Variants in AP2B1 observed in about 807,000 individuals in gnomAD.
The protein encoded by AP2B1 is adaptor related protein complex 2 subunit beta 1.
AP2B1 carries 23 observed loss-of-function variants against 102.0 expected under a neutral mutation model. That is an observed-to-expected ratio of 0.23 (90% CI 0.16 to 0.32). The LOEUF is 0.32. Among genes scored for constraint, AP2B1 ranks in the 10% least tolerant of loss-of-function variants. The probability of loss-of-function intolerance (pLI) is 1.00; values close to 1 mark genes in which losing one functional copy is unlikely to be tolerated. For missense variants in AP2B1, 541 were observed against 1,157.4 expected (o/e 0.47, Z 7.73); for synonymous variants, 381 against 421.2 (o/e 0.90, Z 1.17).
chr17:35,632,088 AT>A (rs11432512), intron 9 of AP2B1, among the ~76,000 whole-genome samples: 75 of 145,718 alleles, frequency 5.1e-4, no homozygotes, highest in Admixed American at 5.5e-4. Flanking sequence ...AAAATTCACT[AT>A]TTTTTTTTTT....
intron 4 of AP2B1, 99 bp from the exon 5 acceptor site, chr17:35,608,043 T>G: frequency 7.0e-7 from 1 of 1,434,146 alleles, no homozygotes; most frequent in South Asian, 1.3e-5. Context: ...ATCTGGAAGC[T>G]TAAATTAATG....
At position 35,626,757 on chromosome 17, in the gene AP2B1, G is replaced by T. The variant is rs1300943228; in HGVS notation, c.853G>T (p.Ala285Ser). The change falls in exon 7 of 22, where the codon GCC (alanine) becomes TCC (serine). Residue 285 changes from alanine to serine, a missense_variant. Physicochemically the swap from Ala to Ser is moderately conservative, Grantham distance 99. Transcript: ENST00000610402. The part of the protein sequence containing the change: ...DYYNMLLKKL[A>S]PPLVTLLSGE... Reference sequence around the variant, plus strand: ...CTACAATATGCTGCTGAAGAAGTTAGCCCCTCCACTTGTCACTTTGCTGTC... The same window carrying T: ...CTACAATATGCTGCTGAAGAAGTTATCCCCTCCACTTGTCACTTTGCTGTC... 1.9e-6 allele frequency: 3 copies of T among 1,613,736 alleles called. No homozygotes were observed. Among genetic ancestry groups the T allele is most frequent in the Non-Finnish European group, 2.5e-6 (3 of 1,179,980 alleles).
At chr17:35,689,919 G>T (rs147516564) in intron 18 of AP2B1, among the ~76,000 whole-genome samples, 1 of 152,186 alleles carries the variant, frequency 6.6e-6, no homozygotes, top group Non-Finnish European at 1.5e-5. Context: ...TATTATGCAT[G>T]TAGTTGTTTT....
chr17:35,695,537 C>T (rs1359465896), intron 18 of AP2B1, among the ~76,000 whole-genome samples: 5 of 152,096 alleles, frequency 3.3e-5, no homozygotes, highest in African/African-American at 2.4e-5. Context: ...TTCAAGTAAC[C>T]CTCAGGTAAG....
chr17:35,692,932 A>G (rs1212294108), intron 18 of AP2B1, among the ~76,000 whole-genome samples: 1 of 151,072 alleles, frequency 6.6e-6, no homozygotes, highest in Non-Finnish European at 1.5e-5. Context: ...GCTACTCTAA[A>G]TGACCCATTC....
intron 9 of AP2B1, among the ~76,000 whole-genome samples, chr17:35,632,415 G>C (rs34528380): frequency 2.6e-5 from 4 of 152,154 alleles, no homozygotes; most frequent in Non-Finnish European, 4.4e-5. Flanking sequence ...GATTACAGGT[G>C]TAAGCCACTG....
intron 21 of AP2B1, among the ~76,000 whole-genome samples, chr17:35,719,859 C>T (rs1464862469): frequency 6.6e-6 from 1 of 152,100 alleles, no homozygotes; most frequent in Non-Finnish European, 1.5e-5. Context: ...TAAAGAAATA[C>T]AGTGAGCTCT....
intron 1 of AP2B1, chr17:35,588,625 C>T (rs772752599): frequency 2.6e-5 from 4 of 152,170 alleles, no homozygotes; most frequent in Non-Finnish European, 4.4e-5. Flanking sequence ...AATTGCTTAG[C>T]CTCAGGGTAC....
chr17:35,683,975 A>T (rs1280902682), intron 18 of AP2B1, among the ~76,000 whole-genome samples: 5 of 152,228 alleles, frequency 3.3e-5, no homozygotes, highest in African/African-American at 1.2e-4. Flanking sequence ...AATGCCATAG[A>T]TGAGTTATAT....
chr17:35,687,318 C>G (rs1176609073), intron 18 of AP2B1, among the ~76,000 whole-genome samples: 1 of 151,838 alleles, frequency 6.6e-6, no homozygotes, highest in African/African-American at 2.4e-5. Context: ...CGGGGTCTCT[C>G]CATGTTGCCT....
chr17:35,723,224 G>A (rs1261534082), intron 21 of AP2B1, among the ~76,000 whole-genome samples: 1 of 152,216 alleles, frequency 6.6e-6, no homozygotes, highest in Non-Finnish European at 1.5e-5. Context: ...CCATCCTCTT[G>A]TCAGACTGAG....
chr17:35,707,879 A>G (rs2076376199), intron 18 of AP2B1, among the ~76,000 whole-genome samples: 1 of 152,226 alleles, frequency 6.6e-6, no homozygotes, highest in Admixed American at 6.5e-5. Context: ...CATGTTATAT[A>G]TAGGTCACAA....
chr17:35,683,400 T>A lies in AP2B1; in HGVS notation c.2454+576T>A, dbSNP rs903497311. 3.9e-5 allele frequency among the ~76,000 whole-genome samples: 6 copies of A among 152,352 alleles called. No homozygotes were observed. In the South Asian group the frequency reaches 6.2e-4, roughly 16 times the overall value. On this transcript the variant is annotated intron_variant, in intron 18 of 21. Coordinates refer to ENST00000610402, the MANE Select transcript of AP2B1 (RefSeq NM_001030006.2). The stretch of plus-strand genomic sequence containing the variant: ...GTAAACCTTTTTTCCTTAAGACTTT[T>A]ATAGCAAAATTTGAATGTCATTAAT...
At position 35,598,196 on chromosome 17, in the gene AP2B1, T is replaced by C. The variant is rs768489305; in HGVS notation, c.38-34T>C. On this transcript the variant is annotated intron_variant, in intron 2 of 21. Coordinates refer to ENST00000610402, the MANE Select transcript of AP2B1 (RefSeq NM_001030006.2). ...GTATTCTGCTCTAAGTCTGTGGTAC[T>C]GGAACCTTACCAGTTTGCTCTCATC... 2 of 1,429,940 alleles carry C rather than the reference T, an allele frequency of 1.4e-6. 1 individual carries two copies. The highest frequency in any genetic ancestry group is 3.4e-5 in the Admixed American group (2 of 59,050). The allele number at this position is 1,429,940 out of a possible 1,614,324, so 88.6% of individuals were successfully genotyped here. A position where few individuals can be genotyped will look rare whatever the true frequency, so the allele number is the denominator to read the frequency against.
intron 5 of AP2B1, among the ~76,000 whole-genome samples, chr17:35,619,695 G>T (rs549421305): frequency 6.6e-6 from 1 of 152,100 alleles, no homozygotes; most frequent in South Asian, 2.1e-4. Context: ...GATGTGAGGG[G>T]TGGGGAATGT....
chr17:35,610,418 A>G (rs963019722), intron 5 of AP2B1, among the ~76,000 whole-genome samples: 1 of 149,272 alleles, frequency 6.7e-6, no homozygotes, highest in African/African-American at 2.4e-5. Context: ...AAGTGCTGGG[A>G]TTACAGGCAT....
At chr17:35,622,826 G>A (rs965192803) in intron 5 of AP2B1, among the ~76,000 whole-genome samples, 4 of 151,962 alleles carry the variant, frequency 2.6e-5, no homozygotes, top group Non-Finnish European at 4.4e-5. Flanking sequence ...CACCATGCCC[G>A]GCTAATTTTT....
At chr17:35,640,723 G>A (rs893934482) in intron 11 of AP2B1, among the ~76,000 whole-genome samples, 1 of 152,200 alleles carries the variant, frequency 6.6e-6, no homozygotes, top group African/African-American at 2.4e-5. Context: ...AAGGTTCAGG[G>A]TGATGCTGCT....
chr17:35,710,220 G>A lies in AP2B1; in HGVS notation c.2540-14G>A. 6.3e-7 allele frequency: 1 copy of A among 1,594,212 alleles called. No homozygotes were observed. Among genetic ancestry groups the A allele is most frequent in the Non-Finnish European group, 8.6e-7 (1 of 1,162,152 alleles). ...TTATGCACATCCATCCTTCCCCTCT[G>A]CTTTCCCATACAGAGCGCCAGGTCT... On this transcript the variant is annotated splice_polypyrimidine_tract_variant and intron_variant, in intron 19 of 21. Coordinates refer to ENST00000610402, the MANE Select transcript of AP2B1 (RefSeq NM_001030006.2).
Sources: gnomAD v4.1 joint callset for allele counts (sites outside exome capture counted in the v4.1 genomes callset) on GRCh38, gnomAD v4.1.1 for gene constraint, MANE v1.5 for transcripts, NCBI Gene and HGNC (gene_info 2026-07-23, HGNC 2026-07-21) for gene names.